The following FOXK1 variants were observed in gnomAD, a reference collection of about 807,000 sequenced individuals.
FOXK1 encodes forkhead box K1, also known as forkhead box protein K1.
In FOXK1, 19 loss-of-function variants were observed where a neutral mutation model predicts 51.9. The ratio of observed to expected loss-of-function variants is 0.37; its 90% confidence interval spans 0.26 to 0.54. The LOEUF (loss-of-function observed/expected upper bound fraction) is 0.54. Ranked by LOEUF, FOXK1 falls within the 20% of genes least tolerant of loss-of-function variation. The probability of loss-of-function intolerance (pLI) is 0.87; values close to 1 mark genes in which losing one functional copy is unlikely to be tolerated. For synonymous variants in FOXK1, 537 were observed against 482.6 expected, an observed-to-expected ratio of 1.11 and a Z score of -1.48; for missense variants, 870 against 1,032.7, an observed-to-expected ratio of 0.84 and a Z score of 2.16.
chr7:4,712,777 G>A (rs748786230), intron 1 of FOXK1, among the ~76,000 whole-genome samples: 5 of 152,148 alleles, frequency 3.3e-5, no homozygotes, highest in Admixed American at 2.0e-4. Flanking sequence ...GTTCAAATCC[G>A]TTTATGATTA....
At position 4,753,550 on chromosome 7, in the gene FOXK1, A is replaced by T. The variant is rs1000825851; in HGVS notation, c.747-909A>T. On this transcript the variant is annotated intron_variant, in intron 2 of 8. Coordinates refer to ENST00000328914, the MANE Select transcript of FOXK1 (RefSeq NM_001037165.2). This position sits in a 1 kb window ranked among gnomAD's most constrained non-coding sequence, Gnocchi z 4.9. ...ACAGGTGGGCAGGGTCCATCTCAGG[A>T]CGGGGCTAGGTGGGTGCCCGTGAGC... Among the ~76,000 whole-genome samples the T allele has an allele frequency of 6.6e-6, 1 of 152,136 alleles. No homozygotes were observed. The highest frequency in any genetic ancestry group is 6.5e-5 in the Admixed American group (1 of 15,270).
rs146106677 is a variant in FOXK1, at chr7:4,735,798, A to G, written c.561-5040A>G. On this transcript the variant is annotated intron_variant, in intron 1 of 8. Coordinates refer to ENST00000328914, the MANE Select transcript of FOXK1 (RefSeq NM_001037165.2). This position sits in a 1 kb window ranked among gnomAD's most constrained non-coding sequence, Gnocchi z 4.7. ...ACTCCAGCTAGAGCCCTGCACCTCC[A>G]TCAAGATATTACAGGGAGAGATGTA... Among the ~76,000 whole-genome samples, 1 of 152,306 alleles carries G rather than the reference A, an allele frequency of 6.6e-6. No homozygotes were observed. Among genetic ancestry groups the G allele is most frequent in the East Asian group, 1.9e-4 (1 of 5,170 alleles).
rs150777923 is a variant in FOXK1, at chr7:4,694,479, C to T, written c.560+11611C>T. On this transcript the variant is annotated intron_variant, in intron 1 of 8. Coordinates refer to ENST00000328914, the MANE Select transcript of FOXK1 (RefSeq NM_001037165.2). ...TGCCTGTTCTGAAAAAGCTTTGCTT[C>T]TTGTGATTTGTATCACGAGGGGGAA... Among the ~76,000 whole-genome samples, 676 of 152,284 alleles carry T rather than the reference C, an allele frequency of 4.4e-3. 8 individuals carry two copies. Among genetic ancestry groups the T allele is most frequent in the African/African-American group, 0.016 (652 of 41,556 alleles).
intron 2 of FOXK1, among the ~76,000 whole-genome samples, chr7:4,746,845 G>C (rs147824880): frequency 2.7e-4 from 41 of 152,346 alleles, no homozygotes; most frequent in African/African-American, 9.6e-4. Context: ...TGCAAATCCA[G>C]TGAGGGTCCC....
In FOXK1 at chr7:4,759,382, G is replaced by A. The variant is rs1457779399; in HGVS notation, c.1483G>A (p.Val495Met). 6 of 1,602,266 alleles carry A rather than the reference G, an allele frequency of 3.7e-6. No homozygotes were observed. The highest frequency in any genetic ancestry group is 1.3e-5 in the African/African-American group (1 of 74,888). The change falls in exon 7 of 9, where the codon GTG becomes ATG. Residue 495 changes from valine to methionine, a missense_variant. This residue lies in a region of FOXK1 where 457 missense variants were observed against 510.8 expected (regional missense o/e 0.89). Coordinates refer to ENST00000328914, the MANE Select transcript of FOXK1 (RefSeq NM_001037165.2). The stretch of plus-strand genomic sequence containing the variant: ...ACCGTCCAGCCTCGTGGCCAAGCCC[G>A]TGGCCTACATGCCCGCCTCCATCGT... Reference protein sequence around the residue: ...PRPSSLVAKPVAYMPASIVTS... With the variant: ...PRPSSLVAKPMAYMPASIVTS...
At chr7:4,684,656 A>G (rs1348735830) in intron 1 of FOXK1, among the ~76,000 whole-genome samples, 1 of 152,118 alleles carries the variant, frequency 6.6e-6, no homozygotes, top group Non-Finnish European at 1.5e-5. Context: ...AATGACAGGT[A>G]GGCTCCCCAG....
chr7:4,735,895 T>G lies in FOXK1; in HGVS notation c.561-4943T>G, dbSNP rs1405194246. On this transcript the variant is annotated intron_variant, in intron 1 of 8. Coordinates refer to ENST00000328914, the MANE Select transcript of FOXK1 (RefSeq NM_001037165.2). This position sits in a 1 kb window ranked among gnomAD's most constrained non-coding sequence, Gnocchi z 4.7. ...CAAGCCAGGTGCAGCGGCTCACACC[T>G]GTAATCCCAGCACTTTGAGAGGCTG... 3.3e-5 allele frequency among the ~76,000 whole-genome samples: 5 copies of G among 152,204 alleles called. No homozygotes were observed. Among genetic ancestry groups the G allele is most frequent in the Non-Finnish European group, 5.9e-5 (4 of 68,050 alleles).
At position 4,767,913 on chromosome 7, in the gene FOXK1, C is replaced by T. The variant is rs937203855; in HGVS notation, c.*5449C>T. The T allele has an allele frequency of 9.2e-5, 14 of 151,480 alleles. No individual in the cohort carries two copies. Among genetic ancestry groups the T allele is most frequent in the African/African-American group, 3.1e-4 (13 of 41,290 alleles). The allele number at this position is 151,480 out of a possible 1,614,324, so 9.4% of individuals were successfully genotyped here. On this transcript the variant is annotated 3_prime_UTR_variant, in exon 9 of 9. Transcript: ENST00000328914. This position sits in a 1 kb window ranked among gnomAD's most constrained non-coding sequence, Gnocchi z 6.6. ...GGGGTCCGTGCCTCGAGAAGGGGGCCCTTACCCACACCGTGCGGCTTGAAT... is the reference window on the plus strand; with the variant it reads ...GGGGTCCGTGCCTCGAGAAGGGGGCTCTTACCCACACCGTGCGGCTTGAAT...
intron 1 of FOXK1, among the ~76,000 whole-genome samples, chr7:4,732,237 T>A (rs572982003): frequency 6.6e-6 from 1 of 151,620 alleles, no homozygotes; most frequent in Non-Finnish European, 1.5e-5. Flanking sequence ...AGAACTCTGA[T>A]TATGCACCAT....
At chr7:4,760,029 C>CAA (rs10644631) in intron 7 of FOXK1, 7,651 of 150,712 alleles carry the variant, frequency 0.051, 650 homozygotes, top group African/African-American at 0.18. Flanking sequence ...AACCCTGTCT[C>CAA]AAAAAAAAAA....
At chr7:4,694,688 C>T (rs1779931534) in intron 1 of FOXK1, among the ~76,000 whole-genome samples, 1 of 152,152 alleles carries the variant, frequency 6.6e-6, no homozygotes, top group South Asian at 2.1e-4. Flanking sequence ...AGCTTTGTGC[C>T]AGCCTTGTCT....
chr7:4,734,170 C>T lies in FOXK1; in HGVS notation c.561-6668C>T, dbSNP rs543423017. ...CACAGCAGTTAGGAGACAGCAGATGCATTCCCAGAGCTCCTGAGAAGGAGC... is the reference window on the plus strand; with the variant it reads ...CACAGCAGTTAGGAGACAGCAGATGTATTCCCAGAGCTCCTGAGAAGGAGC... On this transcript the variant is annotated intron_variant, in intron 1 of 8. Coordinates refer to ENST00000328914, the MANE Select transcript of FOXK1 (RefSeq NM_001037165.2). This position sits in a 1 kb window ranked among gnomAD's most constrained non-coding sequence, Gnocchi z 5.2. 6.6e-6 allele frequency among the ~76,000 whole-genome samples: 1 copy of T among 152,338 alleles called. No individual in the cohort carries two copies. Among genetic ancestry groups the T allele is most frequent in the East Asian group, 1.9e-4 (1 of 5,186 alleles).
chr7:4,697,871 C>G (rs1363479871), intron 1 of FOXK1, among the ~76,000 whole-genome samples: 1 of 151,606 alleles, frequency 6.6e-6, no homozygotes, highest in Non-Finnish European at 1.5e-5. Flanking sequence ...GTCATCCAGA[C>G]TGGAGTGCAG....
rs1328530115 is a variant in FOXK1, at chr7:4,743,719, T to C, written c.746+2696T>C. ...AGTGGAAGCTCACACCAGAAGAGGCTGGTCCTGCTGCTTTTGGGGCGGGTA... is the reference window on the plus strand; with the variant it reads ...AGTGGAAGCTCACACCAGAAGAGGCCGGTCCTGCTGCTTTTGGGGCGGGTA... On this transcript the variant is annotated intron_variant, in intron 2 of 8. Coordinates refer to ENST00000328914, the MANE Select transcript of FOXK1 (RefSeq NM_001037165.2). This position sits in a 1 kb window ranked among gnomAD's most constrained non-coding sequence, Gnocchi z 5.3. 6.6e-6 allele frequency among the ~76,000 whole-genome samples: 1 copy of C among 152,178 alleles called. No homozygotes were observed. Among genetic ancestry groups the C allele is most frequent in the Non-Finnish European group, 1.5e-5 (1 of 68,028 alleles).
At chr7:4,728,407 T>C (rs7788807) in intron 1 of FOXK1, among the ~76,000 whole-genome samples, 12,393 of 152,264 alleles carry the variant, frequency 0.081, 631 homozygotes, top group African/African-American at 0.14. Flanking sequence ...CTCATTCCAC[T>C]TCACATGTAA....
intron 1 of FOXK1, among the ~76,000 whole-genome samples, chr7:4,701,470 T>C (rs1780020511): frequency 1.3e-5 from 2 of 152,160 alleles, no homozygotes; most frequent in African/African-American, 4.8e-5. Context: ...TAACAAGTAC[T>C]ATTGACCGGG....
intron 1 of FOXK1, among the ~76,000 whole-genome samples, chr7:4,721,114 C>T (rs60440111): frequency 0.031 from 4,680 of 152,240 alleles, 227 homozygotes; most frequent in African/African-American, 0.11. Flanking sequence ...TCACTGTTGC[C>T]GTAAGTGCTT....
chr7:4,728,356 G>A lies in FOXK1; in HGVS notation c.561-12482G>A, dbSNP rs543881399. Among the ~76,000 whole-genome samples the A allele has an allele frequency of 3.7e-3, 565 of 152,280 alleles. 3 individuals are homozygous for A. Among genetic ancestry groups the A allele is most frequent in the African/African-American group, 0.013 (531 of 41,572 alleles). ...ACCCAGATTTTAACCCTCAGTCCTC[G>A]GGGTTGTCCGGCTGCGGCTGTGCTG... is the stretch of plus-strand genomic sequence containing the variant. On this transcript the variant is annotated intron_variant, in intron 1 of 8. Coordinates refer to ENST00000328914, the MANE Select transcript of FOXK1 (RefSeq NM_001037165.2).
In FOXK1 at chr7:4,762,044, C is replaced by G. The variant is rs1562392985; in HGVS notation, c.1922-140C>G. On this transcript the variant is annotated intron_variant, in intron 8 of 8. Coordinates refer to ENST00000328914, the MANE Select transcript of FOXK1 (RefSeq NM_001037165.2). The surrounding 1 kb of genome is among the most constrained non-coding windows in gnomAD (Gnocchi z 5.7). Reference sequence around the variant, plus strand: ...ACGGCAGGGCCCGCAGGGAGCAGAGCAAGGGTAGCCGTCCTGCCTGGCAGG... The same window carrying G: ...ACGGCAGGGCCCGCAGGGAGCAGAGGAAGGGTAGCCGTCCTGCCTGGCAGG... 2 of 983,978 alleles carry G rather than the reference C, an allele frequency of 2.0e-6. No homozygotes were observed. The highest frequency in any genetic ancestry group is 2.6e-5 in the Admixed American group (1 of 37,800). 61.0% of individuals were successfully genotyped at this position (983,978 alleles called of 1,614,324 possible).
Sources: allele counts gnomAD v4.1 joint callset (sites outside exome capture counted in the v4.1 genomes callset), GRCh38; gene constraint gnomAD v4.1.1; regional missense constraint gnomAD v4.1.1; non-coding constraint Gnocchi (gnomAD v3.1); transcripts MANE v1.5; gene names NCBI Gene and HGNC (gene_info 2026-07-23, HGNC 2026-07-21).